PDE4DIP: variants seen among roughly 807,000 people sequenced by gnomAD.
The protein encoded by PDE4DIP is myomegalin.
A neutral mutation model predicts 221.4 loss-of-function variants in PDE4DIP; 59 were observed. The ratio of observed to expected loss-of-function variants is 0.27; its 90% CI spans 0.22 to 0.33. The LOEUF is 0.33. PDE4DIP is among the 10% of genes least tolerant of loss of function. The pLI, the probability that PDE4DIP is intolerant of heterozygous loss-of-function variation, is 1.00. For missense variants in PDE4DIP, 1,036 were observed against 2,154.2 expected (o/e 0.48, Z 10.28); for synonymous variants, 404 against 815.9 (o/e 0.50, Z 8.60).
At chr1:148,937,363 T>C (rs2049436391) in intron 4 of PDE4DIP, among the ~76,000 whole-genome samples, 1 of 152,206 alleles carries the variant, frequency 6.6e-6, no homozygotes, top group South Asian at 2.1e-4. Context: ...CAACTTCATA[T>C]TTCCAGTACT....
At chr1:148,858,907 T>C (rs1474013925) in intron 1 of PDE4DIP, among the ~76,000 whole-genome samples, 2 of 81,410 alleles carry the variant, frequency 2.5e-5, no homozygotes, top group Admixed American at 1.8e-4. Context: ...AAATAACAGT[T>C]TACGGAGGAA....
chr1:148,859,830 A>ATGTGTG (rs4068415), intron 1 of PDE4DIP, among the ~76,000 whole-genome samples: 17 of 105,210 alleles, frequency 1.6e-4, no homozygotes, highest in African/African-American at 7.1e-4. Flanking sequence ...GTGTGTGTGT[A>ATGTGTG]TGTGTGTGTG....
chr1:149,015,735 AG>A (rs2070296108), intron 32 of PDE4DIP, among the ~76,000 whole-genome samples: 1 of 150,396 alleles, frequency 6.6e-6, no homozygotes, highest in Non-Finnish European at 1.5e-5. Flanking sequence ...TGCCTTACAT[AG>A]GCCCTTCCCC....
At chr1:148,877,129 T>C (rs1691765228) in intron 3 of PDE4DIP, among the ~76,000 whole-genome samples, 1 of 148,562 alleles carries the variant, frequency 6.7e-6, no homozygotes, top group Non-Finnish European at 1.5e-5. Context: ...GTGGAATATA[T>C]ATACAATAGA....
chr1:148,881,256 T>G (rs1204038573), intron 3 of PDE4DIP, among the ~76,000 whole-genome samples: 1 of 28,192 alleles, frequency 3.5e-5, no homozygotes, highest in Admixed American at 3.8e-4. Flanking sequence ...TATCGTATAA[T>G]GCTGTCAAGG....
intron 3 of PDE4DIP, among the ~76,000 whole-genome samples, chr1:148,877,253 T>C (rs1232891406): frequency 2.4e-4 from 36 of 149,488 alleles, no homozygotes; most frequent in Admixed American, 7.3e-4. Flanking sequence ...AAGATCTCAT[T>C]TTTGAGGGAG....
At chr1:148,924,814 AT>A (rs1307451598) in intron 1 of PDE4DIP, among the ~76,000 whole-genome samples, 1 of 151,688 alleles carries the variant, frequency 6.6e-6, no homozygotes, top group Non-Finnish European at 1.5e-5. Context: ...AATGCAGTTA[AT>A]TTGGAATCTA....
At chr1:148,950,422 A>G (rs1375231453) in intron 5 of PDE4DIP, among the ~76,000 whole-genome samples, 2 of 152,296 alleles carry the variant, frequency 1.3e-5, no homozygotes, top group Admixed American at 1.3e-4. Flanking sequence ...GAATATACAT[A>G]GTAGATGAAA....
intron 19 of PDE4DIP, 119 bp downstream of exon 22, chr1:148,978,534 G>T: frequency 3.1e-6 from 2 of 639,098 alleles, no homozygotes; most frequent in Non-Finnish European, 2.7e-6. Flanking sequence ...ACTCCTGACT[G>T]CAAGTGATCC....
At chr1:148,981,241 C>G in intron 20 of PDE4DIP, 29 bp from the exon 24 acceptor site, 1 of 1,611,060 alleles carries the variant, frequency 6.2e-7, no homozygotes, top group South Asian at 1.1e-5. Context: ...GGCTAATCCA[C>G]TTTCCTTCCA....
intron 5 of PDE4DIP, among the ~76,000 whole-genome samples, chr1:148,956,436 C>T (rs1367471204): frequency 2.0e-5 from 3 of 151,942 alleles, no homozygotes; most frequent in African/African-American, 7.3e-5. Flanking sequence ...AAAATAGCAA[C>T]AGTGTAGTTC....
At chr1:148,944,706 A>G (rs1340781927) in intron 5 of PDE4DIP, among the ~76,000 whole-genome samples, 2 of 149,030 alleles carry the variant, frequency 1.3e-5, no homozygotes, top group Non-Finnish European at 3.0e-5. Flanking sequence ...CCCTGTCTCT[A>G]CTAAGAATAC....
rs1228437762 is a variant in PDE4DIP at position 148,862,314 on chromosome 1, T to C, written c.234-936T>C. ...GCTACATTTGTGGAGCTTACAACAG[T>C]GCCTAAAAGCACTTGTCAAGCATGG... On this transcript the variant is annotated intron_variant, in intron 1 of 45. Transcript: ENST00000524974. 5.1e-4 allele frequency among the ~76,000 whole-genome samples: 76 copies of C among 150,142 alleles called. 1 individual carries two copies. In the East Asian group the frequency reaches 9.2e-3, roughly 18 times the overall value.
intron 14 of PDE4DIP, 100 bp from the exon 18 acceptor site, chr1:148,972,080 G>GT (rs2059326775): frequency 6.0e-6 from 2 of 331,454 alleles, no homozygotes; most frequent in Admixed American, 1.2e-4. Context: ...ATTGTTGTTT[G>GT]TTTTTTACAA....
At chr1:148,972,966 TTA>T (rs782187106) in intron 16 of PDE4DIP, among the ~76,000 whole-genome samples, 5 of 124,018 alleles carry the variant, frequency 4.0e-5, no homozygotes, top group Admixed American at 1.7e-4. Context: ...CCTACTAATG[TTA>T]TATATATATA....
At chr1:148,924,649 A>G (rs1282513429) in intron 1 of PDE4DIP, among the ~76,000 whole-genome samples, 1 of 145,822 alleles carries the variant, frequency 6.9e-6, no homozygotes, top group Admixed American at 6.9e-5. Flanking sequence ...TTTCAGCTTC[A>G]TCATTGAAAC....
chr1:149,000,444 A>G (rs1444333452), intron 23 of PDE4DIP, among the ~76,000 whole-genome samples: 9 of 151,660 alleles, frequency 5.9e-5, no homozygotes. Flanking sequence ...AGTCCCAGCT[A>G]CTCGGGAGGC....
At chr1:148,953,669 G>C (rs782021254) in intron 5 of PDE4DIP, 1 of 1,431,290 alleles carries the variant, frequency 7.0e-7, no homozygotes. Flanking sequence ...CATGATTAAA[G>C]GTCTTGATTA....
intron 21 of PDE4DIP, chr1:148,981,696 C>T (rs1452068960): frequency 2.9e-6 from 1 of 350,848 alleles, no homozygotes; most frequent in African/African-American, 2.1e-5. Context: ...TTTAGTTTTT[C>T]CACTTTTATT....
Sources: gnomAD v4.1 joint callset for allele counts (sites outside exome capture counted in the v4.1 genomes callset) on GRCh38, gnomAD v4.1.1 for gene constraint, MANE v1.5 for transcripts, NCBI Gene and HGNC (gene_info 2026-07-23, HGNC 2026-07-21) for gene names.